Variants in WDR35 observed in about 807,000 individuals in gnomAD.
WDR35 encodes the protein WD repeat-containing protein 35.
WDR35 carries 118 observed loss-of-function variants against 158.3 expected under a neutral mutation model. The observed-to-expected ratio is 0.75, with a 90% CI of 0.64 to 0.87. WDR35 has a LOEUF of 0.87. Ranked by LOEUF, WDR35 falls within the 40% of genes least tolerant of loss-of-function variation. The pLI, the probability that WDR35 is intolerant of heterozygous loss-of-function variation, is 0.00. For synonymous variants in WDR35, 448 were observed against 476.1 expected (o/e 0.94, Z 0.77); for missense variants, 1,263 against 1,405.8 (o/e 0.90, Z 1.62).
rs548616694 is a variant in WDR35 at position 19,935,081 on chromosome 2, G to T, written c.2547+390C>A. 1.9e-5 allele frequency: 3 copies of T among 154,350 alleles called. No homozygotes were observed. The South Asian group carries it at 6.1e-4, about 31-fold the overall frequency. The allele number at this position is 154,350 out of a possible 1,614,324, so 9.6% of individuals were successfully genotyped here. A position where few individuals can be genotyped will look rare whatever the true frequency, so the allele number is the denominator to read the frequency against. On this transcript the variant is annotated intron_variant, in intron 21 of 26. Coordinates refer to ENST00000281405, the MANE Select transcript of WDR35 (RefSeq NM_020779.4). ...TTATTGTTAATATAACATAATAAAA[G>T]TTGAGCTATCTTTTTAAACTTAAGT...
In WDR35 at chr2:19,933,106, T is replaced by C. The variant is rs189146783; in HGVS notation, c.2658+295A>G. Among the ~76,000 whole-genome samples the C allele has an allele frequency of 1.6e-3, 242 of 152,260 alleles. 5 individuals are homozygous for C. Among genetic ancestry groups the C allele is most frequent in the Non-Finnish European group, 4.0e-4 (27 of 68,010 alleles). On this transcript the variant is annotated intron_variant, in intron 22 of 26. Transcript: ENST00000281405. ...TAACAAAATGCAGAAAATTATGAAA[T>C]TACTTCCAGACAAAAACTTGCCAGA...
At chr2:19,967,592 T>C (rs1208053459) in intron 9 of WDR35, among the ~76,000 whole-genome samples, 1 of 151,942 alleles carries the variant, frequency 6.6e-6, no homozygotes, top group Non-Finnish European at 1.5e-5. Flanking sequence ...ATACATAAAT[T>C]ATATTAAAAA....
At chr2:19,989,113 C>T (rs1202244039) in intron 2 of WDR35, 52 bp downstream of exon 2, 1 of 1,526,728 alleles carries the variant, frequency 6.5e-7, no homozygotes, top group Non-Finnish European at 9.1e-7. Context: ...CCGCACTGAA[C>T]AAATAACATT....
chr2:19,951,358 T>A, intron 13 of WDR35, 57 bp downstream of exon 13: 2 of 1,369,804 alleles, frequency 1.5e-6, no homozygotes, highest in East Asian at 5.0e-5. Flanking sequence ...AAAATAAAAT[T>A]ATAATATTTC....
In WDR35 at chr2:19,945,834, T is replaced by C. The variant is rs147608502; in HGVS notation, c.1797A>G (p.Ala599=). The change falls in exon 16 of 27, where the codon GCA becomes GCG. Residue 599 remains alanine (A), a synonymous_variant. Transcript: ENST00000281405. ...CATACATTCTTGTCTTCTCCATCAT[T>C]GCAAACAAATCAGGATTATCTTTGG... ...KWAKDNPDLF[A]MMEKTRMYVF... 2.2e-5 allele frequency: 35 copies of C among 1,613,862 alleles called. No individual in the cohort carries two copies. Among genetic ancestry groups the C allele is most frequent in the Non-Finnish European group, 2.7e-5 (32 of 1,179,874 alleles).
rs114877141 is a variant in WDR35, at chr2:19,953,800, T to G, written c.1400+34A>C. ...ATGTCTGACTTCAATGTGATATGGT[T>G]GAGCTACTAAAAAGTATGTATCAAA... On this transcript the variant is annotated intron_variant, in intron 12 of 26. Coordinates refer to ENST00000281405, the MANE Select transcript of WDR35 (RefSeq NM_020779.4). 4,788 of 1,612,128 alleles carry G rather than the reference T, an allele frequency of 3.0e-3. 125 individuals are homozygous for G. The African/African-American group carries it at 0.054, about 18-fold the overall frequency.
intron 8 of WDR35, among the ~76,000 whole-genome samples, chr2:19,971,469 A>T (rs1419456352): frequency 6.6e-6 from 1 of 152,176 alleles, no homozygotes; most frequent in Non-Finnish European, 1.5e-5. Flanking sequence ...TGCAGCAGAA[A>T]AGCCCTCACC....
At chr2:19,969,806 G>GGCGTGAT (rs990105040) in intron 8 of WDR35, among the ~76,000 whole-genome samples, 1 of 149,160 alleles carries the variant, frequency 6.7e-6, no homozygotes, top group Non-Finnish European at 1.5e-5. Flanking sequence ...GGAGTGCAGT[G>GGCGTGAT]GCGTGATCTC....
At chr2:19,989,329 TG>T (rs1270602568) in intron 1 of WDR35, 47 bp from the exon 2 acceptor site, 1 of 1,494,308 alleles carries the variant, frequency 6.7e-7, no homozygotes, top group Non-Finnish European at 9.3e-7. Flanking sequence ...ACGAAGGAGC[TG>T]GGAAGTAAGT....
At chr2:19,928,015 C>T (rs1435058907) in intron 25 of WDR35, among the ~76,000 whole-genome samples, 1 of 152,156 alleles carries the variant, frequency 6.6e-6, no homozygotes, top group Non-Finnish European at 1.5e-5. Flanking sequence ...AACAGGCACC[C>T]CTCAAAATCT....
intron 16 of WDR35, 27 bp downstream of exon 16, chr2:19,945,759 C>G: frequency 6.2e-7 from 1 of 1,612,532 alleles, no homozygotes; most frequent in Non-Finnish European, 8.5e-7. Context: ...TATTTATAGA[C>G]TGTTAACACT....
At position 19,931,428 on chromosome 2, in the gene WDR35, T is replaced by C. The variant is rs1359201627; in HGVS notation, c.2824-19A>G. On this transcript the variant is annotated intron_variant, in intron 23 of 26. Coordinates refer to ENST00000281405, the MANE Select transcript of WDR35 (RefSeq NM_020779.4). Reference sequence around the variant, plus strand: ...CTGCAATCTTAAACATTTTTCAAAATTGAGGGAAGTTACTTCTTATCTATA... The same window carrying C: ...CTGCAATCTTAAACATTTTTCAAAACTGAGGGAAGTTACTTCTTATCTATA... 3 of 1,611,956 alleles carry C rather than the reference T, an allele frequency of 1.9e-6. No individual in the cohort carries two copies. Among genetic ancestry groups the C allele is most frequent in the Non-Finnish European group, 2.5e-6 (3 of 1,179,186 alleles).
At chr2:19,929,260 A>G (rs573741973) in intron 25 of WDR35, among the ~76,000 whole-genome samples, 19 of 152,378 alleles carry the variant, frequency 1.2e-4, no homozygotes, top group Non-Finnish European at 2.8e-4. Flanking sequence ...AAATAATTAA[A>G]AATAAAAATC....
At chr2:19,946,845 T>C (rs2103417412) in intron 14 of WDR35, among the ~76,000 whole-genome samples, 1 of 152,184 alleles carries the variant, frequency 6.6e-6, no homozygotes, top group African/African-American at 2.4e-5. Flanking sequence ...AATTCTTACA[T>C]CACAAGGAAA....
Position 19,932,376 on chromosome 2 carries a change from T to C in WDR35, c.2730A>G (p.Ala910=), listed in dbSNP as rs766932068. The stretch of plus-strand genomic sequence containing the variant: ...TTTTATTCTTTTCCAGTAAATGAGA[T>C]GCATACCTAGCTAACAGAGATCCAA... ...KEIGSLLARY[A]SHLLEKNKTL... is the part of the protein sequence containing the mutation. Residue 910 remains alanine, a synonymous_variant, in exon 23 of 27, where the codon GCA becomes GCG. Coordinates refer to ENST00000281405, the MANE Select transcript of WDR35 (RefSeq NM_020779.4). 2 of 1,613,348 alleles carry C rather than the reference T, an allele frequency of 1.2e-6. No individual in the cohort carries two copies. Among genetic ancestry groups the C allele is most frequent in the African/African-American group, 1.3e-5 (1 of 75,014 alleles).
intron 11 of WDR35, among the ~76,000 whole-genome samples, chr2:19,958,721 T>C (rs1330786326): frequency 6.6e-6 from 1 of 152,092 alleles, no homozygotes; most frequent in African/African-American, 2.4e-5. Flanking sequence ...CAAAGTCTAG[T>C]GGGGAAGATA....
intron 21 of WDR35, 145 bp from the exon 22 acceptor site, chr2:19,933,656 G>C (rs1670597540): frequency 1.5e-6 from 1 of 689,178 alleles, no homozygotes; most frequent in African/African-American, 1.8e-5. Context: ...AAGGGCAGAG[G>C]GTACAAATGA....
rs753351616 is a variant in WDR35, at chr2:19,945,988, G to A, written c.1643C>T (p.Ala548Val). ...LSLNCNSSRLAIIDISGVLTF... is the reference protein window; with the variant it reads ...LSLNCNSSRLVIIDISGVLTF... The stretch of plus-strand genomic sequence containing the variant: ...CAGAACTCCTGAGATGTCTATGATA[G>A]CAAGACGGCTAAAAACAATGCAATT... The change falls in exon 16 of 27, where the codon GCT (alanine) becomes GTT (valine). Residue 548 changes from alanine (A) to valine (V), a missense_variant. Physicochemically the swap from Ala to Val is moderately conservative, Grantham distance 64 (BLOSUM62 0). Transcript: ENST00000281405. The A allele has an allele frequency of 2.5e-6, 4 of 1,613,596 alleles. No individual in the cohort carries two copies. In the Admixed American group the frequency reaches 6.7e-5, roughly 27 times the overall value.
In WDR35 at chr2:19,945,989, C is replaced by G. The variant is rs756846445; in HGVS notation, c.1642G>C (p.Ala548Pro). 1 of 1,613,686 alleles carries G rather than the reference C, an allele frequency of 6.2e-7. No individual in the cohort carries two copies. The highest frequency in any genetic ancestry group is 2.2e-5 in the East Asian group (1 of 44,874). ...LSLNCNSSRLAIIDISGVLTF... is the reference protein window; with the variant it reads ...LSLNCNSSRLPIIDISGVLTF... ...AGAACTCCTGAGATGTCTATGATAG[C>G]AAGACGGCTAAAAACAATGCAATTA... The change falls in exon 16 of 27, where the codon GCT becomes CCT. Residue 548 changes from alanine to proline, a missense_variant. Transcript: ENST00000281405.
Sources: gnomAD v4.1 joint callset for allele counts (sites outside exome capture counted in the v4.1 genomes callset) on GRCh38, gnomAD v4.1.1 for gene constraint, MANE v1.5 for transcripts, NCBI Gene and HGNC (gene_info 2026-07-23, HGNC 2026-07-21) for gene names.